The following KLHL1 variants were observed in gnomAD, a reference collection of about 807,000 sequenced individuals.
KLHL1 encodes kelch-like protein 1.
KLHL1 carries 47 observed loss-of-function variants against 77.7 expected under a neutral mutation model. The observed-to-expected ratio is 0.60, with a 90% CI of 0.48 to 0.77. The LOEUF is 0.77. KLHL1 is among the 30% of genes least tolerant of loss of function. The probability of loss-of-function intolerance (pLI) is 0.00; values close to 1 mark genes in which losing one functional copy is unlikely to be tolerated. For synonymous variants in KLHL1, 360 were observed against 325.2 expected, an observed-to-expected ratio of 1.11 and a Z score of -1.15; for missense variants, 925 against 910.8, an observed-to-expected ratio of 1.02 and a Z score of -0.20.
intron 4 of KLHL1, among the ~76,000 whole-genome samples, chr13:69,909,177 G>C (rs944541316): frequency 6.6e-6 from 1 of 151,456 alleles, no homozygotes; most frequent in African/African-American, 2.4e-5. Flanking sequence ...GAGAGAGAGA[G>C]AAAGTGGAAT....
intron 7 of KLHL1, among the ~76,000 whole-genome samples, chr13:69,748,200 T>C (rs1874302921): frequency 1.3e-5 from 2 of 152,086 alleles, no homozygotes. Context: ...AAATGAGTTC[T>C]GGTTTAGGAG....
At chr13:70,098,014 C>T (rs116047177) in intron 1 of KLHL1, among the ~76,000 whole-genome samples, 2,945 of 151,208 alleles carry the variant, frequency 0.019, 92 homozygotes, top group African/African-American at 0.068. Flanking sequence ...TACTAGCTAA[C>T]TAAACTTGAA....
intron 7 of KLHL1, among the ~76,000 whole-genome samples, chr13:69,746,024 G>A (rs1044629916): frequency 1.1e-4 from 17 of 151,288 alleles, no homozygotes; most frequent in Non-Finnish European, 1.5e-4. Context: ...ATTTTTATTA[G>A]AACTTTTTTA....
At chr13:69,954,288 T>C (rs1021303613) in intron 3 of KLHL1, among the ~76,000 whole-genome samples, 2 of 151,144 alleles carry the variant, frequency 1.3e-5, no homozygotes, top group Admixed American at 1.3e-4. Context: ...AGGAATAAAG[T>C]GTATAAGTAT....
intron 6 of KLHL1, among the ~76,000 whole-genome samples, chr13:69,837,520 G>A (rs1461453687): frequency 2.7e-5 from 4 of 150,104 alleles, no homozygotes; most frequent in Non-Finnish European, 4.4e-5. Context: ...ATGTCCGAGA[G>A]AGGAAATTGA....
chr13:69,984,013 G>T (rs73512695), intron 1 of KLHL1, among the ~76,000 whole-genome samples: 2 of 151,908 alleles, frequency 1.3e-5, no homozygotes, highest in Admixed American at 6.6e-5. Context: ...CTAAAAATAG[G>T]TTAGAGTCTT....
intron 1 of KLHL1, among the ~76,000 whole-genome samples, chr13:70,012,735 C>T (rs1885565414): frequency 6.6e-6 from 1 of 151,758 alleles, no homozygotes; most frequent in South Asian, 2.1e-4. Flanking sequence ...ATGGTGAAAC[C>T]CCGTCTCTAC....
At chr13:69,920,454 G>T (rs1432367922) in intron 4 of KLHL1, among the ~76,000 whole-genome samples, 1 of 152,064 alleles carries the variant, frequency 6.6e-6, no homozygotes, top group African/African-American at 2.4e-5. Context: ...ATGTGACCAT[G>T]AAGAATTTGG....
At chr13:69,782,527 C>A (rs1021981973) in intron 7 of KLHL1, among the ~76,000 whole-genome samples, 1 of 152,202 alleles carries the variant, frequency 6.6e-6, no homozygotes, top group African/African-American at 2.4e-5. Context: ...CTGCACCTGG[C>A]TTGGAGGGTC....
At chr13:70,039,171 A>T (rs1446551788) in intron 1 of KLHL1, among the ~76,000 whole-genome samples, 1 of 151,254 alleles carries the variant, frequency 6.6e-6, no homozygotes, top group East Asian at 2.0e-4. Flanking sequence ...AGGCTTGAAG[A>T]GATGCTCCAA....
At chr13:69,793,906 T>A (rs936482795) in intron 7 of KLHL1, among the ~76,000 whole-genome samples, 4 of 152,172 alleles carry the variant, frequency 2.6e-5, no homozygotes, top group Admixed American at 2.6e-4. Flanking sequence ...GTTCTTTTTT[T>A]ACTACCCCAT....
chr13:70,000,433 G>GA lies in KLHL1; in HGVS notation c.498-24632dup, dbSNP rs1189558395. ...TTTCTTCCCAAAACTAATAAAACAAGAAAAAAAGCGTATATACATTAGTTA... is the reference window on the plus strand; with the variant it reads ...TTTCTTCCCAAAACTAATAAAACAAGAAAAAAAAGCGTATATACATTAGTTA... On this transcript the variant is annotated intron_variant, in intron 1 of 10. Transcript: ENST00000377844. Among the ~76,000 whole-genome samples, 16 of 151,504 alleles carry GA rather than the reference G, an allele frequency of 1.1e-4. No homozygotes were observed. The South Asian group carries it at 2.9e-3, about 28-fold the overall frequency.
chr13:69,952,508 T>C (rs746085747), intron 3 of KLHL1, among the ~76,000 whole-genome samples: 25 of 151,498 alleles, frequency 1.7e-4, no homozygotes, highest in Non-Finnish European at 3.3e-4. Flanking sequence ...CTCATGTAAG[T>C]GCCATTTGGC....
Position 69,830,671 on chromosome 13 carries a change from T to C in KLHL1, c.1414+8305A>G, listed in dbSNP as rs1878727258. Among the ~76,000 whole-genome samples, 5 of 150,262 alleles carry C rather than the reference T, an allele frequency of 3.3e-5. 1 individual carries two copies. In the South Asian group the frequency reaches 1.0e-3, roughly 31 times the overall value. On this transcript the variant is annotated intron_variant, in intron 6 of 10. Transcript: ENST00000377844. ...ATTCTATTCATCAGCACATGGAACA[T>C]TCTCCAAGATAGACTGTATGACAAC...
intron 1 of KLHL1, among the ~76,000 whole-genome samples, chr13:70,065,314 C>T (rs1291847373): frequency 6.6e-6 from 1 of 152,154 alleles, no homozygotes; most frequent in African/African-American, 2.4e-5. Flanking sequence ...GGGTCAAGAA[C>T]TTGCCTATAA....
At chr13:69,836,807 T>C (rs560694473) in intron 6 of KLHL1, among the ~76,000 whole-genome samples, 123 of 152,000 alleles carry the variant, frequency 8.1e-4, no homozygotes, top group African/African-American at 2.8e-3. Context: ...AATGACAGGA[T>C]TGTACCATAG....
chr13:69,826,803 A>C (rs539246092), intron 6 of KLHL1, among the ~76,000 whole-genome samples: 1 of 152,086 alleles, frequency 6.6e-6, no homozygotes, highest in East Asian at 1.9e-4. Flanking sequence ...TTCTTTTAAG[A>C]GAATATATGG....
intron 6 of KLHL1, among the ~76,000 whole-genome samples, chr13:69,802,002 G>A (rs1877404534): frequency 6.6e-6 from 1 of 152,056 alleles, no homozygotes; most frequent in African/African-American, 2.4e-5. Context: ...CATGCATTAA[G>A]TATTTGTCCC....
intron 1 of KLHL1, among the ~76,000 whole-genome samples, chr13:70,014,334 C>T (rs1237724038): frequency 6.6e-6 from 1 of 152,000 alleles, no homozygotes; most frequent in Non-Finnish European, 1.5e-5. Context: ...AGAGAGTAAA[C>T]ACTGAAGCTA....
Sources: gnomAD v4.1 joint callset for allele counts (sites outside exome capture counted in the v4.1 genomes callset) on GRCh38, gnomAD v4.1.1 for gene constraint, MANE v1.5 for transcripts, NCBI Gene and HGNC (gene_info 2026-07-23, HGNC 2026-07-21) for gene names.